The following SLC35F1 variants were observed in gnomAD, a reference collection of about 807,000 sequenced individuals.
SLC35F1 encodes the protein solute carrier family 35 member F1, also known as chromosome 6 open reading frame 169.
A neutral mutation model predicts 48.7 loss-of-function variants in SLC35F1; 14 were observed. The observed-to-expected ratio is 0.29, with a 90% CI of 0.19 to 0.45. The LOEUF is 0.45. SLC35F1 is among the 20% of genes least tolerant of loss of function. SLC35F1 has a pLI of 1.00. For missense variants in SLC35F1, 404 were observed against 500.0 expected, an observed-to-expected ratio of 0.81 and a Z score of 1.83; for synonymous variants, 190 against 202.2, an observed-to-expected ratio of 0.94 and a Z score of 0.51.
chr6:118,083,373 T>G (rs534595686), intron 1 of SLC35F1, among the ~76,000 whole-genome samples: 5 of 152,228 alleles, frequency 3.3e-5, no homozygotes, highest in Non-Finnish European at 7.3e-5. Context: ...TATCCCAATA[T>G]ATTTGTATGC....
intron 2 of SLC35F1, among the ~76,000 whole-genome samples, chr6:118,203,375 C>T (rs1774894916): frequency 6.6e-6 from 1 of 152,224 alleles, no homozygotes; most frequent in Non-Finnish European, 1.5e-5. Flanking sequence ...AAGATACCCT[C>T]CCCTCAGGGC....
rs1023238862 is a variant in SLC35F1, at chr6:118,168,722, G to A, written c.349+14102G>A. Among the ~76,000 whole-genome samples, 7 of 152,250 alleles carry A rather than the reference G, an allele frequency of 4.6e-5. No individual in the cohort carries two copies. The East Asian group carries it at 1.4e-3, about 29-fold the overall frequency. The stretch of plus-strand genomic sequence containing the variant: ...TGACCCCTCTATGTAATGGCAAACT[G>A]GCTTTACTCCTTTTCCTGGTGATTT... On this transcript the variant is annotated intron_variant, in intron 2 of 7. Coordinates refer to ENST00000360388, the MANE Select transcript of SLC35F1 (RefSeq NM_001029858.4).
chr6:118,017,845 A>G (rs1010906351), intron 1 of SLC35F1, among the ~76,000 whole-genome samples: 1 of 152,196 alleles, frequency 6.6e-6, no homozygotes, highest in African/African-American at 2.4e-5. Flanking sequence ...TGCATAAAGA[A>G]GTCAATGGAC....
At chr6:118,076,322 G>A (rs1772817396) in intron 1 of SLC35F1, among the ~76,000 whole-genome samples, 1 of 152,120 alleles carries the variant, frequency 6.6e-6, no homozygotes, top group Non-Finnish European at 1.5e-5. Context: ...CTAGCTAATT[G>A]TTTCCAACAT....
At chr6:118,091,923 C>A (rs553426889) in intron 1 of SLC35F1, among the ~76,000 whole-genome samples, 2 of 152,254 alleles carry the variant, frequency 1.3e-5, no homozygotes, top group South Asian at 2.1e-4. Flanking sequence ...AGCATTTTGA[C>A]CCTGCCCTAG....
rs1311369629 is a variant in SLC35F1 at position 118,297,639 on chromosome 6, A to ATATATATATAT, written c.1002+12301_1002+12302insTATATATATAT. ...CTCAGAACTTATATATATATATATAAAAAATATATATATAATATATATAAT... is the reference window on the plus strand; with the variant it reads ...CTCAGAACTTATATATATATATATAATATATATATATAAAATATATATATAATATATATAAT... On this transcript the variant is annotated intron_variant, in intron 7 of 7. Coordinates refer to ENST00000360388, the MANE Select transcript of SLC35F1 (RefSeq NM_001029858.4). Among the ~76,000 whole-genome samples, 346 of 120,860 alleles carry ATATATATATAT rather than the reference A, an allele frequency of 2.9e-3. 9 individuals carry two copies. The highest frequency in any genetic ancestry group is 0.012 in the African/African-American group (332 of 27,504). 79.3% of individuals were successfully genotyped at this position (120,860 alleles called of 152,430 possible).
At chr6:117,931,573 A>G (rs925074456) in intron 1 of SLC35F1, among the ~76,000 whole-genome samples, 2 of 152,132 alleles carry the variant, frequency 1.3e-5, no homozygotes, top group African/African-American at 4.8e-5. Flanking sequence ...TTACATTCCA[A>G]CTACATTCAA....
intron 2 of SLC35F1, among the ~76,000 whole-genome samples, chr6:118,165,946 C>T (rs1774311335): frequency 6.6e-6 from 1 of 152,098 alleles, no homozygotes; most frequent in Admixed American, 6.5e-5. Flanking sequence ...CAATGAACAA[C>T]ACATCCCTGT....
chr6:117,994,061 C>A (rs1278677318), intron 1 of SLC35F1, among the ~76,000 whole-genome samples: 1 of 152,012 alleles, frequency 6.6e-6, no homozygotes, highest in East Asian at 1.9e-4. Flanking sequence ...AGGGGAGAAT[C>A]CACTTCTAAG....
At chr6:118,082,576 G>T (rs984783680) in intron 1 of SLC35F1, among the ~76,000 whole-genome samples, 1 of 151,570 alleles carries the variant, frequency 6.6e-6, no homozygotes, top group East Asian at 1.9e-4. Context: ...AACAAACAAA[G>T]AAGGGATTTT....
At chr6:118,311,808 A>G (rs1360901426) in intron 7 of SLC35F1, among the ~76,000 whole-genome samples, 1 of 152,208 alleles carries the variant, frequency 6.6e-6, no homozygotes, top group Non-Finnish European at 1.5e-5. Context: ...AAAAAGAAAA[A>G]AAGAAAATGT....
At chr6:118,119,032 A>C (rs1773515880) in intron 1 of SLC35F1, among the ~76,000 whole-genome samples, 1 of 151,952 alleles carries the variant, frequency 6.6e-6, no homozygotes. Context: ...AAGTTCCTCC[A>C]AATTTGCTTA....
At chr6:118,227,305 G>A (rs966670639) in intron 2 of SLC35F1, among the ~76,000 whole-genome samples, 3 of 152,226 alleles carry the variant, frequency 2.0e-5, no homozygotes, top group Non-Finnish European at 4.4e-5. Context: ...AACTGCAACA[G>A]GTGAAGCAAG....
chr6:117,923,606 T>C (rs11970161), intron 1 of SLC35F1, among the ~76,000 whole-genome samples: 1 of 1,780 alleles, frequency 5.6e-4, no homozygotes, highest in Non-Finnish European at 1.2e-3. Flanking sequence ...TGTGTATATA[T>C]ACATATACAT....
intron 1 of SLC35F1, among the ~76,000 whole-genome samples, chr6:117,935,652 G>A (rs1460450563): frequency 1.3e-5 from 2 of 152,144 alleles, no homozygotes; most frequent in African/African-American, 4.8e-5. Context: ...GGAGGGGAGG[G>A]TGAGCATTTA....
intron 1 of SLC35F1, among the ~76,000 whole-genome samples, chr6:117,975,827 A>G (rs1776698696): frequency 6.6e-6 from 1 of 152,144 alleles, no homozygotes; most frequent in Non-Finnish European, 1.5e-5. Flanking sequence ...ACTCTTTAAG[A>G]ATTTAGAAAA....
intron 1 of SLC35F1, among the ~76,000 whole-genome samples, chr6:118,004,796 G>T (rs888309710): frequency 6.6e-6 from 1 of 151,774 alleles, no homozygotes; most frequent in African/African-American, 2.4e-5. Flanking sequence ...TGATCCTCCC[G>T]CCTTGGCCTC....
intron 1 of SLC35F1, among the ~76,000 whole-genome samples, chr6:118,047,961 G>A (rs9387546): frequency 6.6e-6 from 1 of 152,134 alleles, no homozygotes; most frequent in Admixed American, 6.6e-5. Context: ...TCTTGTGCCA[G>A]TTTTCAAAGG....
At chr6:118,123,448 T>C (rs2114406208) in intron 1 of SLC35F1, among the ~76,000 whole-genome samples, 1 of 152,080 alleles carries the variant, frequency 6.6e-6, no homozygotes, top group South Asian at 2.1e-4. Flanking sequence ...TTTACAGAGT[T>C]ACCATGGAGA....
Sources: gnomAD v4.1 joint callset for allele counts (sites outside exome capture counted in the v4.1 genomes callset) on GRCh38, gnomAD v4.1.1 for gene constraint, MANE v1.5 for transcripts, NCBI Gene and HGNC (gene_info 2026-07-23, HGNC 2026-07-21) for gene names.